Variants in PLXNA1 observed in about 807,000 individuals in gnomAD.
PLXNA1 encodes plexin A1.
Under a neutral mutation model 191.7 loss-of-function variants are expected in PLXNA1, and 77 were observed. The observed-to-expected ratio is 0.40, with a 90% confidence interval of 0.33 to 0.49. The LOEUF (loss-of-function observed/expected upper bound fraction) is 0.49. Ranked by LOEUF, PLXNA1 falls within the 20% of genes least tolerant of loss-of-function variation. PLXNA1 has a pLI of 0.63. For synonymous variants in PLXNA1, 1,137 were observed against 1,156.4 expected (o/e 0.98, Z 0.34); for missense variants, 2,110 against 2,660.2 (o/e 0.79, Z 4.55).
At chr3:127,009,284 C>T (rs547552058) in intron 9 of PLXNA1, among the ~76,000 whole-genome samples, 1 of 152,110 alleles carries the variant, frequency 6.6e-6, no homozygotes, top group Admixed American at 6.5e-5. Context: ...CTGAGCCCTC[C>T]CCATCCATGC....
At position 127,020,279 on chromosome 3, in the gene PLXNA1, C is replaced by T. The variant is rs1292377039; in HGVS notation, c.3973C>T (p.Arg1325Trp). The T allele has an allele frequency of 3.1e-6, 5 of 1,613,116 alleles. No homozygotes were observed. The highest frequency in any genetic ancestry group is 2.2e-5 in the South Asian group (2 of 91,088). ...TGCCGGCATCCCCTTCCTTGACTAC[C>T]GGACATATGCCATGCGGGTGCTCTT... ...DGAGIPFLDYRTYAMRVLFPG... is the reference protein window; with the variant it reads ...DGAGIPFLDYWTYAMRVLFPG... Residue 1325 changes from arginine (R) to tryptophan (W), a missense_variant, in exon 21 of 32, where the codon CGG becomes TGG. This residue lies in a region of PLXNA1 where 559 missense variants were observed against 911.5 expected (regional missense o/e 0.61). Transcript: ENST00000393409.
chr3:126,989,198 C>G lies in PLXNA1; in HGVS notation c.605C>G (p.Ser202Cys). Reference sequence around the variant, plus strand: ...AAGTCCGAGTACTTCCCCACACTGTCCAGCCGTCGGCTCATGGCCAACGAG... The same window carrying G: ...AAGTCCGAGTACTTCCCCACACTGTGCAGCCGTCGGCTCATGGCCAACGAG... ...DGKSEYFPTL[S>C]SRRLMANEED... Residue 202 changes from serine to cysteine, a missense_variant, in exon 2 of 32, where the codon TCC becomes TGC. This residue lies in a region of PLXNA1 where 903 missense variants were observed against 1,015.7 expected (regional missense o/e 0.89). Transcript: ENST00000393409. The G allele has an allele frequency of 6.2e-7, 1 of 1,613,610 alleles. No individual in the cohort carries two copies. The highest frequency in any genetic ancestry group is 8.5e-7 in the Non-Finnish European group (1 of 1,180,048).
At chr3:126,992,901 A>G (rs2078998356) in intron 3 of PLXNA1, among the ~76,000 whole-genome samples, 3 of 152,130 alleles carry the variant, frequency 2.0e-5, no homozygotes, top group African/African-American at 7.2e-5. Flanking sequence ...GAAGGCACAC[A>G]GGGCTCTCGA....
chr3:127,028,442 C>T (rs1408728507), intron 25 of PLXNA1, 102 bp downstream of exon 25: 1 of 1,329,826 alleles, frequency 7.5e-7, no homozygotes, highest in African/African-American at 1.5e-5. Flanking sequence ...GCCAGTCCTC[C>T]ACACCAGGCT....
chr3:126,991,861 C>A (rs1379471533), intron 3 of PLXNA1, among the ~76,000 whole-genome samples: 5 of 151,998 alleles, frequency 3.3e-5, no homozygotes, highest in Admixed American at 3.3e-4. Context: ...TCTCCAAGGG[C>A]ACTTGACCTC....
chr3:126,992,746 T>C (rs887451687), intron 3 of PLXNA1, among the ~76,000 whole-genome samples: 1 of 152,048 alleles, frequency 6.6e-6, no homozygotes, highest in African/African-American at 2.4e-5. Context: ...GCTATGAGGC[T>C]GAAGCTGATG....
At chr3:127,033,030 C>T (rs761664297) in intron 31 of PLXNA1, among the ~76,000 whole-genome samples, 194 bp downstream of exon 31, 1 of 152,210 alleles carries the variant, frequency 6.6e-6, no homozygotes, top group Non-Finnish European at 1.5e-5. Context: ...CAGAGAAGGC[C>T]GTGGTGGAGT....
chr3:127,019,860 C>G (rs1484665348), intron 20 of PLXNA1, among the ~76,000 whole-genome samples: 1 of 152,186 alleles, frequency 6.6e-6, no homozygotes, highest in Non-Finnish European at 1.5e-5. Flanking sequence ...TGGCCGCACT[C>G]CACCACCTCA....
At chr3:127,007,971 G>C in intron 9 of PLXNA1, 58 bp downstream of exon 9, 2 of 1,197,810 alleles carry the variant, frequency 1.7e-6, no homozygotes, top group Non-Finnish European at 2.4e-6. Flanking sequence ...ACTGGGTTGA[G>C]ACATCCCATC....
chr3:127,017,463 C>G lies in PLXNA1; in HGVS notation c.3315C>G (p.Arg1105=). The G allele has an allele frequency of 6.2e-7, 1 of 1,613,276 alleles. No individual in the cohort carries two copies. The highest frequency in any genetic ancestry group is 8.5e-7 in the Non-Finnish European group (1 of 1,179,996). The change falls in exon 18 of 32, where the codon CGC becomes CGG. Residue 1105 remains arginine (R), a synonymous_variant. Transcript: ENST00000393409. Reference sequence around the variant, plus strand: ...ACAATGACACCACCATGGTATGCCGCGCCCCGTCTGTGGCCAACCCTGTGC... The same window carrying G: ...ACAATGACACCACCATGGTATGCCGGGCCCCGTCTGTGGCCAACCCTGTGC... The part of the protein sequence containing the change: ...LVYNDTTMVC[R]APSVANPVRS...
At chr3:126,995,018 A>G (rs958057617) in intron 3 of PLXNA1, among the ~76,000 whole-genome samples, 8 of 152,020 alleles carry the variant, frequency 5.3e-5, no homozygotes, top group African/African-American at 1.9e-4. Context: ...TGCCAGGCTT[A>G]CCACTCCCTG....
At chr3:127,029,836 T>C (rs777003805) in intron 27 of PLXNA1, 38 bp from the exon 28 acceptor site, 1 of 1,536,796 alleles carries the variant, frequency 6.5e-7, no homozygotes, top group Non-Finnish European at 8.8e-7. Flanking sequence ...GGGTGCGGGG[T>C]GCCAGCCAAC....
intron 3 of PLXNA1, 77 bp downstream of exon 3, chr3:126,991,643 C>T: frequency 2.8e-6 from 4 of 1,410,468 alleles, no homozygotes; most frequent in Non-Finnish European, 1.9e-6. Flanking sequence ...AGGTGGCAGG[C>T]CCAGTGCTGC....
In PLXNA1 at chr3:127,005,027, G is replaced by A. The variant is rs1361392030; in HGVS notation, c.1743+19G>A. Reference sequence around the variant, plus strand: ...GGTCCCAGTAAGTGTGGCACCCCAGGTGGTAAGGGGTGGGGGACAGCCATG... The same window carrying A: ...GGTCCCAGTAAGTGTGGCACCCCAGATGGTAAGGGGTGGGGGACAGCCATG... On this transcript the variant is annotated intron_variant, in intron 6 of 31. Transcript: ENST00000393409. 6.2e-7 allele frequency: 1 copy of A among 1,608,732 alleles called. No homozygotes were observed. The highest frequency in any genetic ancestry group is 1.3e-5 in the African/African-American group (1 of 74,868).
In PLXNA1 at chr3:127,027,768, G is replaced by GC. The variant is rs767544376; in HGVS notation, c.4363-171dup. On this transcript the variant is annotated intron_variant, in intron 23 of 31. Coordinates refer to ENST00000393409, the MANE Select transcript of PLXNA1 (RefSeq NM_032242.4). The stretch of plus-strand genomic sequence containing the variant: ...GTATGTTTTGTTTCCTGATTTTCTT[G>GC]CAGTCTCTGCTGGGCTTTGGGACTA... 70 of 826,480 alleles carry GC rather than the reference G, an allele frequency of 8.5e-5. No individual in the cohort carries two copies. The African/African-American group carries it at 8.5e-4, about 10-fold the overall frequency. 51.2% of individuals were successfully genotyped at this position (826,480 alleles called of 1,614,324 possible).
chr3:127,012,497 C>T (rs1183148449), intron 10 of PLXNA1, among the ~76,000 whole-genome samples: 1 of 152,240 alleles, frequency 6.6e-6, no homozygotes, highest in Non-Finnish European at 1.5e-5. Flanking sequence ...CAGGCATGGG[C>T]TGATCATCAG....
chr3:126,987,573 CT>C (rs1391252645), intron 1 of PLXNA1, among the ~76,000 whole-genome samples: 1 of 152,012 alleles, frequency 6.6e-6, no homozygotes, highest in African/African-American at 2.4e-5. Flanking sequence ...CCACACAGGT[CT>C]GGGTGGGTAT....
chr3:127,017,975 T>C (rs1301608193), intron 19 of PLXNA1, 83 bp downstream of exon 19: 7 of 1,552,616 alleles, frequency 4.5e-6, no homozygotes, highest in Non-Finnish European at 6.1e-6. Context: ...GCCCCAGCTC[T>C]GACCTTGCCC....
intron 21 of PLXNA1, 47 bp from the exon 22 acceptor site, chr3:127,022,038 T>C (rs1277781869): frequency 6.3e-7 from 1 of 1,584,268 alleles, no homozygotes; most frequent in Non-Finnish European, 8.6e-7. Context: ...GCTTGGGGGC[T>C]GGGGCTGGGT....
Sources: gnomAD v4.1 joint callset for allele counts (sites outside exome capture counted in the v4.1 genomes callset) on GRCh38, gnomAD v4.1.1 for gene constraint, gnomAD v4.1.1 regional missense constraint, MANE v1.5 for transcripts, NCBI Gene and HGNC (gene_info 2026-07-23, HGNC 2026-07-21) for gene names.